STAG1: variants seen among roughly 807,000 people sequenced by gnomAD.
STAG1 encodes STAG1 cohesin complex component, also known as cohesin subunit SA-1.
A neutral mutation model predicts 170.9 loss-of-function variants in STAG1; 26 were observed. The ratio of observed to expected loss-of-function variants is 0.15; its 90% CI spans 0.11 to 0.21. The LOEUF (loss-of-function observed/expected upper bound fraction) is 0.21, where lower values mean the gene tolerates loss of function less well. Among genes scored for constraint, STAG1 ranks in the 10% least tolerant of loss-of-function variants. STAG1 has a pLI of 1.00. For missense variants in STAG1, 964 were observed against 1,509.5 expected (o/e 0.64, Z 5.99); for synonymous variants, 514 against 497.7 (o/e 1.03, Z -0.44).
chr3:136,585,199 T>C (rs1348186699), intron 4 of STAG1, among the ~76,000 whole-genome samples: 1 of 152,168 alleles, frequency 6.6e-6, no homozygotes, highest in African/African-American at 2.4e-5. Flanking sequence ...CCCAGCAATT[T>C]GGGAGGCCAA....
chr3:136,418,031 G>T, intron 20 of STAG1, 59 bp from the exon 21 acceptor site: 2 of 1,333,360 alleles, frequency 1.5e-6, no homozygotes, highest in Non-Finnish European at 2.2e-6. Context: ...TTAAATTTGA[G>T]CTCAGTTCAG....
chr3:136,568,695 C>G (rs1389882059), intron 5 of STAG1, 70 bp downstream of exon 5: 1 of 978,374 alleles, frequency 1.0e-6, no homozygotes, highest in African/African-American at 1.6e-5. Context: ...CGACTAGTGG[C>G]AGGTGAAGTA....
chr3:136,563,629 A>G (rs1295819472), intron 5 of STAG1, among the ~76,000 whole-genome samples: 1 of 145,310 alleles, frequency 6.9e-6, no homozygotes, highest in African/African-American at 2.6e-5. Context: ...ATGAACCCTT[A>G]TATTCCCTTC....
chr3:136,436,272 T>G (rs934780200), intron 15 of STAG1, among the ~76,000 whole-genome samples: 5 of 151,708 alleles, frequency 3.3e-5, no homozygotes, highest in African/African-American at 1.2e-4. Context: ...TTACATATTT[T>G]TAAACTCAGA....
At chr3:136,734,753 T>C (rs2107943871) in intron 1 of STAG1, among the ~76,000 whole-genome samples, 1 of 152,330 alleles carries the variant, frequency 6.6e-6, no homozygotes, top group East Asian at 1.9e-4. Context: ...TAGAAGCTTT[T>C]TAAGAGAAGA....
At chr3:136,534,915 G>T (rs1482041275) in intron 6 of STAG1, among the ~76,000 whole-genome samples, 1 of 152,152 alleles carries the variant, frequency 6.6e-6, no homozygotes, top group Non-Finnish European at 1.5e-5. Flanking sequence ...CAAAGGAAAA[G>T]AAATCAGTAT....
chr3:136,484,364 T>TG (rs1262832072), intron 9 of STAG1, among the ~76,000 whole-genome samples: 1 of 142,084 alleles, frequency 7.0e-6, no homozygotes, highest in African/African-American at 2.6e-5. Context: ...GCCCCTGCTG[T>TG]GGGGTGTCTC....
intron 1 of STAG1, among the ~76,000 whole-genome samples, chr3:136,681,008 C>T (rs1942315879): frequency 6.6e-6 from 1 of 151,418 alleles, no homozygotes; most frequent in Admixed American, 6.6e-5. Context: ...ATTCTTGCAA[C>T]CTTTTAAAAT....
intron 10 of STAG1, among the ~76,000 whole-genome samples, chr3:136,475,580 T>C (rs183057318): frequency 6.6e-6 from 1 of 152,196 alleles, no homozygotes; most frequent in Admixed American, 6.5e-5. Flanking sequence ...ACTTCAATAA[T>C]GGGATTCTGG....
At position 136,645,005 on chromosome 3, in the gene STAG1, C is replaced by T. The variant is rs185162715; in HGVS notation, c.-83-14024G>A. 8.9e-4 allele frequency among the ~76,000 whole-genome samples: 136 copies of T among 152,246 alleles called. 2 individuals carry two copies. Among genetic ancestry groups the T allele is most frequent in the African/African-American group, 2.3e-3 (97 of 41,534 alleles). On this transcript the variant is annotated intron_variant, in intron 1 of 33. Coordinates refer to ENST00000383202, the MANE Select transcript of STAG1 (RefSeq NM_005862.3). ...TCGATCTCCCGAAGTGCTGGGATTA[C>T]AGGTGTGAATCACCATGCCTGGCCT...
chr3:136,562,547 G>C (rs960961492), intron 5 of STAG1, among the ~76,000 whole-genome samples: 2 of 151,388 alleles, frequency 1.3e-5, no homozygotes, highest in African/African-American at 4.9e-5. Context: ...CACCTGTCAT[G>C]TTTCTTTACT....
At chr3:136,579,634 A>G (rs1282364267) in intron 4 of STAG1, among the ~76,000 whole-genome samples, 1 of 152,188 alleles carries the variant, frequency 6.6e-6, no homozygotes, top group Non-Finnish European at 1.5e-5. Context: ...TTTATTCCAC[A>G]AAACATCACA....
intron 1 of STAG1, among the ~76,000 whole-genome samples, chr3:136,696,030 A>T (rs535561495): frequency 6.6e-6 from 1 of 152,360 alleles, no homozygotes; most frequent in Non-Finnish European, 1.5e-5. Flanking sequence ...GGACATACAC[A>T]CAGAGCAGGA....
intron 5 of STAG1, among the ~76,000 whole-genome samples, chr3:136,544,500 C>T (rs1400584861): frequency 1.3e-5 from 2 of 152,096 alleles, no homozygotes; most frequent in East Asian, 1.9e-4. Context: ...TGGTGGCTTA[C>T]ACCTATAATA....
chr3:136,413,434 T>G, intron 21 of STAG1, among the ~76,000 whole-genome samples: 1 of 151,832 alleles, frequency 6.6e-6, no homozygotes, highest in Middle Eastern at 3.4e-3. Flanking sequence ...AATACGTAAT[T>G]TCTTTTTGAT....
intron 1 of STAG1, among the ~76,000 whole-genome samples, chr3:136,683,884 C>T (rs1303212975): frequency 6.6e-6 from 1 of 152,036 alleles, no homozygotes; most frequent in African/African-American, 2.4e-5. Flanking sequence ...TCCTATATGC[C>T]AGGAATGAAC....
At chr3:136,459,035 T>A (rs1441413714) in intron 13 of STAG1, among the ~76,000 whole-genome samples, 1 of 151,936 alleles carries the variant, frequency 6.6e-6, no homozygotes, top group Non-Finnish European at 1.5e-5. Context: ...CTGGCCAACA[T>A]GGTGAAACCC....
chr3:136,557,223 G>T (rs1319956458), intron 5 of STAG1, among the ~76,000 whole-genome samples: 1 of 152,034 alleles, frequency 6.6e-6, no homozygotes, highest in Non-Finnish European at 1.5e-5. Flanking sequence ...GGGTTACAGG[G>T]TGAGACACCA....
intron 21 of STAG1, among the ~76,000 whole-genome samples, chr3:136,409,493 T>C (rs1317859027): frequency 6.6e-6 from 1 of 151,984 alleles, no homozygotes; most frequent in African/African-American, 2.4e-5. Context: ...CACGCCACTA[T>C]GCTCAGCTAA....
Sources: gnomAD v4.1 joint callset for allele counts (sites outside exome capture counted in the v4.1 genomes callset) on GRCh38, gnomAD v4.1.1 for gene constraint, MANE v1.5 for transcripts, NCBI Gene and HGNC (gene_info 2026-07-23, HGNC 2026-07-21) for gene names.